The following MTMR9 variants were observed in gnomAD, a reference collection of about 807,000 sequenced individuals.
MTMR9 encodes myotubularin-related protein 9.
MTMR9 carries 39 observed loss-of-function variants against 69.5 expected under a neutral mutation model. That is an observed-to-expected ratio of 0.56 (90% confidence interval 0.43 to 0.73). The LOEUF (loss-of-function observed/expected upper bound fraction) is 0.73. Among genes scored for constraint, MTMR9 ranks in the 30% least tolerant of loss-of-function variants. The probability of loss-of-function intolerance (pLI) is 0.00; values close to 1 mark genes in which losing one functional copy is unlikely to be tolerated. For missense variants in MTMR9, 900 were observed against 671.2 expected (o/e 1.34, Z -3.77); for synonymous variants, 354 against 240.8 (o/e 1.47, Z -4.35).
intron 6 of MTMR9, among the ~76,000 whole-genome samples, chr8:11,311,993 C>T (rs1396066985): frequency 2.6e-5 from 4 of 150,996 alleles, no homozygotes; most frequent in African/African-American, 7.3e-5. Flanking sequence ...CTCCTTATTT[C>T]TTCAAGTTTC....
intron 6 of MTMR9, among the ~76,000 whole-genome samples, chr8:11,313,120 A>T (rs1800269967): frequency 6.6e-6 from 1 of 152,222 alleles, no homozygotes; most frequent in Admixed American, 6.5e-5. Flanking sequence ...CACTGGCTTC[A>T]GCTTAAAGTC....
At chr8:11,315,216 C>T in intron 7 of MTMR9, 152 bp downstream of exon 7, 1 of 960,720 alleles carries the variant, frequency 1.0e-6, no homozygotes, top group Non-Finnish European at 1.6e-6. Context: ...CTGTCTTCTC[C>T]TTGTTTCTGG....
intron 1 of MTMR9, among the ~76,000 whole-genome samples, chr8:11,292,466 T>A (rs1799407243): frequency 6.6e-6 from 1 of 152,158 alleles, no homozygotes; most frequent in Non-Finnish European, 1.5e-5. Context: ...GAGCAGTGTG[T>A]GAGAGTTCTA....
In MTMR9 at chr8:11,295,264, G is replaced by A; in HGVS notation, c.253G>A (p.Gly85Arg). ...DFRIIQLDIP[G>R]MEECLNIASS... ...TCGAATTATTCAGTTGGATATTCCTGGAATGGAGGAATGCTTGAATATAGC... is the reference window on the plus strand; with the variant it reads ...TCGAATTATTCAGTTGGATATTCCTAGAATGGAGGAATGCTTGAATATAGC... The change falls in exon 2 of 10, where the codon GGA becomes AGA. Residue 85 changes from glycine (G) to arginine (R), a missense_variant. Gly to Arg is a moderately radical substitution (Grantham distance 125). Transcript: ENST00000221086. 6.2e-7 allele frequency: 1 copy of A among 1,608,908 alleles called. No homozygotes were observed. The highest frequency in any genetic ancestry group is 8.5e-7 in the Non-Finnish European group (1 of 1,175,910).
intron 1 of MTMR9, among the ~76,000 whole-genome samples, chr8:11,294,621 C>T (rs1426114788): frequency 2.0e-5 from 3 of 149,766 alleles, no homozygotes; most frequent in African/African-American, 2.5e-5. Flanking sequence ...CTTGCCTGAG[C>T]CTCCTGAGTA....
chr8:11,327,159 A>G lies in MTMR9; in HGVS notation c.*4371A>G, dbSNP rs1329132220. The G allele has an allele frequency of 6.6e-6, 1 of 152,156 alleles. No individual in the cohort carries two copies. 9.4% of individuals were successfully genotyped at this position (152,156 alleles called of 1,614,324 possible). On this transcript the variant is annotated 3_prime_UTR_variant, in exon 10 of 10. Coordinates refer to ENST00000221086, the MANE Select transcript of MTMR9 (RefSeq NM_015458.4). ...CTTCCTTTAAACCAATAGTCCCAGA[A>G]GAGACCCTCTGAAATTCTAGGACTG...
Position 11,325,176 on chromosome 8 carries a change from C to T in MTMR9, c.*2388C>T, listed in dbSNP as rs781144152. On this transcript the variant is annotated 3_prime_UTR_variant, in exon 10 of 10. Transcript: ENST00000221086. Reference sequence around the variant, plus strand: ...GTTTACAGGTTGTAAAAATAAACTTCGGTATCAGTGCATCTACAGAAGTGT... The same window carrying T: ...GTTTACAGGTTGTAAAAATAAACTTTGGTATCAGTGCATCTACAGAAGTGT... 2 of 152,196 alleles carry T rather than the reference C, an allele frequency of 1.3e-5. No homozygotes were observed. The highest frequency in any genetic ancestry group is 6.5e-5 in the Admixed American group (1 of 15,286). The allele number at this position is 152,196 out of a possible 1,614,324, so 9.4% of individuals were successfully genotyped here. A position where few individuals can be genotyped will look rare whatever the true frequency, so the allele number is the denominator to read the frequency against.
intron 4 of MTMR9, among the ~76,000 whole-genome samples, chr8:11,305,886 C>T (rs1011835329): frequency 6.6e-6 from 1 of 152,088 alleles, no homozygotes; most frequent in African/African-American, 2.4e-5. Flanking sequence ...TATTACAGGT[C>T]CAGGTCTACA....
At chr8:11,313,866 G>C (rs1261756999) in intron 6 of MTMR9, among the ~76,000 whole-genome samples, 2 of 152,222 alleles carry the variant, frequency 1.3e-5, no homozygotes, top group African/African-American at 4.8e-5. Context: ...TTACTAAAAT[G>C]AGACAGAGAC....
At chr8:11,293,763 T>TA (rs59697084) in intron 1 of MTMR9, among the ~76,000 whole-genome samples, 4,948 of 143,758 alleles carry the variant, frequency 0.034, 235 homozygotes, top group African/African-American at 0.11. Context: ...TCAAATTCTT[T>TA]AAAAAAAAAA....
chr8:11,316,914 G>T (rs757168423), intron 8 of MTMR9, 21 bp downstream of exon 8: 2 of 1,495,254 alleles, frequency 1.3e-6, no homozygotes, highest in South Asian at 1.3e-5. Context: ...TGCTCACATG[G>T]GGACCTTTCC....
At chr8:11,302,374 C>T (rs1290544021) in intron 3 of MTMR9, among the ~76,000 whole-genome samples, 2 of 150,358 alleles carry the variant, frequency 1.3e-5, no homozygotes, top group African/African-American at 4.9e-5. Context: ...GTTATTGAAC[C>T]CTTAAGCTGA....
rs762285077 is a variant in MTMR9 at position 11,304,966 on chromosome 8, T to A, written c.543T>A (p.His181Gln). ...TTCGGAAGGTAGCTACATTTCGACATGGAGGGCGCTTCCCAGTACTAAGCT... is the reference window on the plus strand; with the variant it reads ...TTCGGAAGGTAGCTACATTTCGACAAGGAGGGCGCTTCCCAGTACTAAGCT... Reference protein sequence around the residue: ...EALRKVATFRHGGRFPVLSYY... With the variant: ...EALRKVATFRQGGRFPVLSYY... The change falls in exon 4 of 10, where the codon CAT (histidine) becomes CAA (glutamine). Residue 181 changes from histidine (H) to glutamine (Q), a missense_variant. By Grantham distance (24) the His-to-Gln change is conservative. Transcript: ENST00000221086. The A allele has an allele frequency of 6.2e-7, 1 of 1,613,922 alleles. No individual in the cohort carries two copies. The highest frequency in any genetic ancestry group is 8.5e-7 in the Non-Finnish European group (1 of 1,179,970).
chr8:11,288,793 A>G (rs930382099), intron 1 of MTMR9, among the ~76,000 whole-genome samples: 4 of 152,220 alleles, frequency 2.6e-5, no homozygotes, highest in Non-Finnish European at 5.9e-5. Context: ...TCAGAAGACA[A>G]TTCTGGCTGC....
chr8:11,309,105 G>T (rs962373885), intron 5 of MTMR9, among the ~76,000 whole-genome samples: 5 of 152,138 alleles, frequency 3.3e-5, no homozygotes, highest in Non-Finnish European at 5.9e-5. Flanking sequence ...TGGGTGAATG[G>T]GAGCTGTAGC....
At chr8:11,299,717 A>C (rs1442152449) in intron 2 of MTMR9, among the ~76,000 whole-genome samples, 1 of 152,204 alleles carries the variant, frequency 6.6e-6, no homozygotes, top group East Asian at 1.9e-4. Context: ...AAGCTTTATT[A>C]ATTGATGTCG....
chr8:11,285,397 T>C, intron 1 of MTMR9: 1 of 236,856 alleles, frequency 4.2e-6, no homozygotes, highest in Non-Finnish European at 8.2e-6. Flanking sequence ...ATTCCTTGAA[T>C]TGGTATTGTC....
chr8:11,315,535 A>G (rs979316730), intron 7 of MTMR9, among the ~76,000 whole-genome samples: 1 of 152,210 alleles, frequency 6.6e-6, no homozygotes, highest in African/African-American at 2.4e-5. Context: ...TCTCACTCAT[A>G]ACAGGGATTG....
chr8:11,307,436 C>T (rs1253713854), intron 5 of MTMR9, among the ~76,000 whole-genome samples: 2 of 152,166 alleles, frequency 1.3e-5, no homozygotes, highest in Non-Finnish European at 2.9e-5. Flanking sequence ...TTAATCCATT[C>T]ATCCATTGAC....
Sources: allele counts gnomAD v4.1 joint callset (sites outside exome capture counted in the v4.1 genomes callset), GRCh38; gene constraint gnomAD v4.1.1; transcripts MANE v1.5; gene names NCBI Gene and HGNC (gene_info 2026-07-23, HGNC 2026-07-21).